Variants in VDAC1 observed in about 807,000 individuals in gnomAD.
VDAC1 encodes voltage dependent anion channel 1.
In VDAC1, 10 loss-of-function variants were observed where a neutral mutation model predicts 34.7. The observed-to-expected ratio is 0.29, with a 90% CI of 0.18 to 0.49. The LOEUF is 0.49. Ranked by LOEUF, VDAC1 falls within the 20% of genes least tolerant of loss-of-function variation. The pLI is 0.99. For synonymous variants in VDAC1, 130 were observed against 136.0 expected (o/e 0.96, Z 0.30); for missense variants, 230 against 347.9 (o/e 0.66, Z 2.69).
the VDAC1 span, among the ~76,000 whole-genome samples, chr5:134,089,182 T>C: frequency 6.6e-6 from 1 of 152,110 alleles, no homozygotes; most frequent in African/African-American, 2.4e-5. Flanking sequence ...AAGAGCAGAG[T>C]GCTCCCAACC....
intron 1 of VDAC1, among the ~76,000 whole-genome samples, chr5:133,997,559 A>T (rs904492949): frequency 1.3e-4 from 19 of 151,692 alleles, no homozygotes; most frequent in South Asian, 8.3e-4. Flanking sequence ...AAATAAAAAA[A>T]AAAAATCACC....
At chr5:134,111,459 G>A in the VDAC1 span, among the ~76,000 whole-genome samples, 3 of 152,134 alleles carry the variant, frequency 2.0e-5, no homozygotes, top group South Asian at 2.1e-4. Flanking sequence ...ACTACCCTGT[G>A]GAAGAACCCC....
At chr5:133,977,571 C>A (rs1295828246) in intron 6 of VDAC1, among the ~76,000 whole-genome samples, 1 of 152,178 alleles carries the variant, frequency 6.6e-6, no homozygotes, top group Non-Finnish European at 1.5e-5. Context: ...GCAGTCACTG[C>A]CACCCCTAAA....
chr5:134,041,740 G>A, the VDAC1 span, among the ~76,000 whole-genome samples: 1 of 152,272 alleles, frequency 6.6e-6, no homozygotes, highest in Middle Eastern at 3.4e-3. Flanking sequence ...AGGGCGCTTT[G>A]CATGGCCCCA....
At chr5:134,068,315 T>C in the VDAC1 span, among the ~76,000 whole-genome samples, 1 of 151,412 alleles carries the variant, frequency 6.6e-6, no homozygotes, top group Non-Finnish European at 1.5e-5. Flanking sequence ...GTATTGTGTC[T>C]TCCGTTCCAC....
chr5:134,098,492 T>C, the VDAC1 span, among the ~76,000 whole-genome samples: 2 of 152,228 alleles, frequency 1.3e-5, no homozygotes, highest in African/African-American at 4.8e-5. Context: ...CCCAAAGTGC[T>C]GGGATTACAG....
chr5:134,042,987 C>T, the VDAC1 span, among the ~76,000 whole-genome samples: 1 of 152,228 alleles, frequency 6.6e-6, no homozygotes, highest in Non-Finnish European at 1.5e-5. Flanking sequence ...CTGGTGGAAA[C>T]CCTGCCTGGG....
At chr5:134,016,279 C>CTG in the VDAC1 span, among the ~76,000 whole-genome samples, 1 of 152,180 alleles carries the variant, frequency 6.6e-6, no homozygotes, top group Admixed American at 6.6e-5. Flanking sequence ...CTGAGAGGGA[C>CTG]TGTGTGTGCC....
chr5:134,008,161 TC>T (rs1753785628), upstream of VDAC1, among the ~76,000 whole-genome samples: 1 of 130,132 alleles, frequency 7.7e-6, no homozygotes, highest in South Asian at 2.7e-4. Context: ...CCGCCCCCGA[TC>T]CCCGCCCCGC....
chr5:134,028,933 C>A, the VDAC1 span, among the ~76,000 whole-genome samples: 1 of 152,196 alleles, frequency 6.6e-6, no homozygotes, highest in Non-Finnish European at 1.5e-5. Context: ...TCTCCTGGAT[C>A]CCTCATCCTA....
chr5:134,042,881 C>A, the VDAC1 span, among the ~76,000 whole-genome samples: 4 of 152,242 alleles, frequency 2.6e-5, no homozygotes, highest in Non-Finnish European at 4.4e-5. Context: ...AGGTCCCCCA[C>A]CTCCAGAGGA....
chr5:134,007,088 AC>A (rs1186287796), upstream of VDAC1, among the ~76,000 whole-genome samples: 1 of 152,058 alleles, frequency 6.6e-6, no homozygotes, highest in African/African-American at 2.4e-5. Flanking sequence ...TACTAAAAAT[AC>A]AAAAATTAGC....
the VDAC1 span, among the ~76,000 whole-genome samples, chr5:134,110,829 C>T: frequency 6.6e-6 from 1 of 152,196 alleles, no homozygotes; most frequent in Admixed American, 6.5e-5. Flanking sequence ...TTCACGTGGG[C>T]CTTTCATGTT....
chr5:133,982,322 G>A (rs1200973784), intron 5 of VDAC1, among the ~76,000 whole-genome samples: 1 of 151,950 alleles, frequency 6.6e-6, no homozygotes, highest in East Asian at 1.9e-4. Context: ...GACCAGCCTG[G>A]CCAACATGGT....
rs115289824 is a variant in VDAC1, at chr5:133,976,664, A to C, written c.552-643T>G. ...CTCTATAAGGAAAAAAAAAAAAAAG[A>C]AGCAGCAAGTAGAGCACTGAGATTC... On this transcript the variant is annotated intron_variant, in intron 6 of 8. Transcript: ENST00000265333. Among the ~76,000 whole-genome samples the C allele has an allele frequency of 9.6e-3, 1,460 of 151,836 alleles. 23 individuals carry two copies. The highest frequency in any genetic ancestry group is 0.031 in the African/African-American group (1,297 of 41,438).
chr5:134,005,658 C>A (rs1348466105), upstream of VDAC1: 1 of 152,256 alleles, frequency 6.6e-6, no homozygotes, highest in Admixed American at 6.5e-5. Context: ...CCCCCGCGAC[C>A]AGCCGGGGCG....
chr5:134,060,040 G>T, the VDAC1 span, among the ~76,000 whole-genome samples: 1 of 151,778 alleles, frequency 6.6e-6, no homozygotes, highest in South Asian at 2.1e-4. Context: ...GTTCCACAGA[G>T]ATCCTCTCCC....
chr5:133,991,209 C>T, intron 3 of VDAC1, 55 bp from the exon 4 acceptor site: 5 of 1,599,370 alleles, frequency 3.1e-6, no homozygotes, highest in Non-Finnish European at 4.2e-6. Context: ...CTTGGCTTCA[C>T]TTCACTCCTA....
the VDAC1 span, among the ~76,000 whole-genome samples, chr5:134,059,673 G>A: frequency 5.3e-5 from 8 of 152,084 alleles, no homozygotes; most frequent in Non-Finnish European, 8.8e-5. Flanking sequence ...ATTTTCAAGA[G>A]AACTGGGTCA....
Sources: allele counts gnomAD v4.1 joint callset (sites outside exome capture counted in the v4.1 genomes callset), GRCh38; gene constraint gnomAD v4.1.1; transcripts MANE v1.5; gene names NCBI Gene and HGNC (gene_info 2026-07-23, HGNC 2026-07-21).